Variants in COMMD6 observed in about 807,000 individuals in gnomAD.
COMMD6 encodes the protein COMM domain containing 6.
A neutral mutation model predicts 13.4 loss-of-function variants in COMMD6; 11 were observed. The observed-to-expected ratio is 0.82, with a 90% confidence interval of 0.52 to 1.36. COMMD6 has a LOEUF of 1.36. COMMD6 is among the 40% of genes most tolerant of loss of function. The pLI is 0.00. For missense variants in COMMD6, 124 were observed against 102.4 expected, an observed-to-expected ratio of 1.21 and a Z score of -0.91; for synonymous variants, 43 against 36.5, an observed-to-expected ratio of 1.18 and a Z score of -0.64.
intron 2 of COMMD6, among the ~76,000 whole-genome samples, chr13:75,531,198 C>T (rs1045428541): frequency 1.3e-5 from 2 of 152,292 alleles, no homozygotes; most frequent in African/African-American, 4.8e-5. Flanking sequence ...CACCACGTAT[C>T]CTACCACATA....
chr13:75,528,028 C>CAT (rs1309235879), intron 3 of COMMD6, among the ~76,000 whole-genome samples: 1 of 142,920 alleles, frequency 7.0e-6, no homozygotes, highest in African/African-American at 2.6e-5. Context: ...CACACACACA[C>CAT]ACACATACAT....
intron 1 of COMMD6, among the ~76,000 whole-genome samples, chr13:75,544,718 G>A (rs527606556): frequency 3.3e-5 from 5 of 152,104 alleles, no homozygotes; most frequent in Non-Finnish European, 4.4e-5. Flanking sequence ...AGCAGAGATC[G>A]CGCTACTGCA....
intron 2 of COMMD6, among the ~76,000 whole-genome samples, chr13:75,532,934 T>C (rs897242039): frequency 2.2e-5 from 3 of 138,262 alleles, no homozygotes; most frequent in Admixed American, 7.1e-5. Flanking sequence ...TTTTGTTTTG[T>C]TTTTTTTTTT....
At chr13:75,541,161 TAAAAAA>T (rs1566201908), upstream of COMMD6, among the ~76,000 whole-genome samples, 1 of 152,058 alleles carries the variant, frequency 6.6e-6, no homozygotes, top group African/African-American at 2.4e-5. Context: ...TGGTTGGTTT[TAAAAAA>T]AATCTCACCA....
chr13:75,530,075 G>A, intron 3 of COMMD6, 39 bp downstream of exon 3: 1 of 1,535,406 alleles, frequency 6.5e-7, no homozygotes, highest in South Asian at 1.2e-5. Context: ...AATGATTACA[G>A]AAAAGCTGAG....
chr13:75,528,659 T>C (rs1017322594), intron 3 of COMMD6, among the ~76,000 whole-genome samples: 19 of 151,790 alleles, frequency 1.3e-4, no homozygotes, highest in African/African-American at 3.4e-4. Context: ...CTGGCCAACA[T>C]GGTGAAACCT....
chr13:75,539,900 T>A (rs1261300334), upstream of COMMD6, among the ~76,000 whole-genome samples: 2 of 151,968 alleles, frequency 1.3e-5, no homozygotes, highest in African/African-American at 4.8e-5. Flanking sequence ...TCTAAGGAAG[T>A]CAGATGAAAA....
upstream of COMMD6, among the ~76,000 whole-genome samples, chr13:75,540,342 ACC>A (rs1555271317): frequency 9.4e-3 from 958 of 101,772 alleles, 6 homozygotes; most frequent in Admixed American, 0.016. Flanking sequence ...ACACACACAC[ACC>A]CACACACACA....
At chr13:75,539,955 T>G (rs960286876), upstream of COMMD6, among the ~76,000 whole-genome samples, 6 of 148,292 alleles carry the variant, frequency 4.0e-5, no homozygotes, top group Admixed American at 2.1e-4. Context: ...TGTCGGTTCT[T>G]TTTGCAAGGA....
At chr13:75,535,891 A>T (rs895800001) in intron 2 of COMMD6, among the ~76,000 whole-genome samples, 1 of 147,214 alleles carries the variant, frequency 6.8e-6, no homozygotes, top group African/African-American at 2.5e-5. Flanking sequence ...ATACTCCGTA[A>T]TTTTTTTTTT....
In COMMD6 at chr13:75,525,988, T is replaced by C. The variant is rs935315742; in HGVS notation, c.*601A>G. On this transcript the variant is annotated 3_prime_UTR_variant, in exon 4 of 4. Transcript: ENST00000682242. ...TCAGACTAAAACTCGTCTTTCCAAC[T>C]CTGCGTATGTATTTGAACTTTCTAC... 13 of 152,240 alleles carry C rather than the reference T, an allele frequency of 8.5e-5. No homozygotes were observed. The highest frequency in any genetic ancestry group is 7.8e-4 in the Admixed American group (12 of 15,288). 9.4% of individuals were successfully genotyped at this position (152,240 alleles called of 1,614,324 possible). A position where few individuals can be genotyped will look rare whatever the true frequency, so the allele number is the denominator to read the frequency against.
At chr13:75,532,413 G>A (rs1170386028) in intron 2 of COMMD6, among the ~76,000 whole-genome samples, 3 of 152,202 alleles carry the variant, frequency 2.0e-5, no homozygotes, top group African/African-American at 7.2e-5. Flanking sequence ...AACAGGAATT[G>A]AGGAAAATGT....
At chr13:75,533,587 A>AAG (rs1259394929) in intron 2 of COMMD6, among the ~76,000 whole-genome samples, 2 of 150,412 alleles carry the variant, frequency 1.3e-5, no homozygotes, top group African/African-American at 4.9e-5. Context: ...AAAAAAAAAA[A>AAG]AGAGAGAGAG....
At chr13:75,540,437 T>C (rs926370314), upstream of COMMD6, among the ~76,000 whole-genome samples, 1 of 152,100 alleles carries the variant, frequency 6.6e-6, no homozygotes, top group Non-Finnish European at 1.5e-5. Context: ...TTTTAAAAGG[T>C]ATTTTTTGTT....
upstream of COMMD6, among the ~76,000 whole-genome samples, chr13:75,541,129 G>C (rs1199249389): frequency 1.3e-5 from 2 of 152,036 alleles, no homozygotes; most frequent in Admixed American, 6.6e-5. Flanking sequence ...TAGCATCCTG[G>C]GAGTATAGCA....
chr13:75,537,831 G>C lies in COMMD6; in HGVS notation c.-26C>G. The C allele has an allele frequency of 6.3e-7, 1 of 1,578,236 alleles. No homozygotes were observed. The highest frequency in any genetic ancestry group is 1.8e-4 in the Middle Eastern group (1 of 5,506). ...GGGCAGCGTCTGGGACTTGCGGCCC[G>C]GACTCGAGAGAACGCCCCCAGACCA... On this transcript the variant is annotated 5_prime_UTR_variant, in exon 1 of 4. Coordinates refer to ENST00000682242, the MANE Select transcript of COMMD6 (RefSeq NM_203495.4).
At chr13:75,538,413 T>A (rs1409062832), upstream of COMMD6, among the ~76,000 whole-genome samples, 1 of 152,218 alleles carries the variant, frequency 6.6e-6, no homozygotes, top group East Asian at 1.9e-4. Context: ...GTATCCACAG[T>A]GATGTTTTTT....
At chr13:75,541,284 T>C (rs1179139819), upstream of COMMD6, among the ~76,000 whole-genome samples, 1 of 152,164 alleles carries the variant, frequency 6.6e-6, no homozygotes, top group Non-Finnish European at 1.5e-5. Flanking sequence ...CTTTGAAATG[T>C]AGTGGTAGCA....
upstream of COMMD6, among the ~76,000 whole-genome samples, chr13:75,540,361 CACACACACACAG>C (rs1284030904): frequency 1.3e-4 from 20 of 151,806 alleles, no homozygotes; most frequent in African/African-American, 4.6e-4. Context: ...CACACACACA[CACACACACACAG>C]ACACACACCC....
Sources: gnomAD v4.1 joint callset for allele counts (sites outside exome capture counted in the v4.1 genomes callset) on GRCh38, gnomAD v4.1.1 for gene constraint, MANE v1.5 for transcripts, NCBI Gene and HGNC (gene_info 2026-07-23, HGNC 2026-07-21) for gene names.